SYT9: variants seen among roughly 807,000 people sequenced by gnomAD.
SYT9 encodes synaptotagmin 9, also known as synaptotagmin-9.
A neutral mutation model predicts 48.4 loss-of-function variants in SYT9; 22 were observed. The observed-to-expected ratio is 0.45, with a 90% CI of 0.32 to 0.65. The LOEUF (loss-of-function observed/expected upper bound fraction) is 0.65, where lower values mean the gene tolerates loss of function less well. Ranked by LOEUF, SYT9 falls within the 30% of genes least tolerant of loss-of-function variation. SYT9 has a pLI of 0.03. For missense variants in SYT9, 577 were observed against 622.0 expected (o/e 0.93, Z 0.77); for synonymous variants, 265 against 245.0 (o/e 1.08, Z -0.76).
chr11:7,283,728 C>T (rs1848546531), intron 1 of SYT9, among the ~76,000 whole-genome samples: 1 of 151,998 alleles, frequency 6.6e-6, no homozygotes, highest in Non-Finnish European at 1.5e-5. Flanking sequence ...ATTATTTCAC[C>T]TTTCTGTGCC....
chr11:7,343,319 A>G (rs1849745663), intron 3 of SYT9, among the ~76,000 whole-genome samples: 1 of 152,182 alleles, frequency 6.6e-6, no homozygotes, highest in Non-Finnish European at 1.5e-5. Flanking sequence ...TTTAAAACTG[A>G]ATACTTTTAG....
chr11:7,357,325 C>G (rs1850039858), intron 3 of SYT9, among the ~76,000 whole-genome samples: 1 of 152,114 alleles, frequency 6.6e-6, no homozygotes, highest in African/African-American at 2.4e-5. Context: ...ATGTTAATAT[C>G]ATCTTACCTT....
intron 3 of SYT9, among the ~76,000 whole-genome samples, chr11:7,362,053 A>G (rs1296638435): frequency 6.6e-6 from 1 of 152,130 alleles, no homozygotes; most frequent in Non-Finnish European, 1.5e-5. Context: ...CATCAGGAAA[A>G]TAATAGCTTT....
chr11:7,313,915 T>A lies in SYT9; in HGVS notation c.1018T>A (p.Trp340Arg). 2.5e-6 allele frequency: 4 copies of A among 1,613,260 alleles called. No individual in the cohort carries two copies. Among genetic ancestry groups the A allele is most frequent in the Non-Finnish European group, 3.4e-6 (4 of 1,179,784 alleles). The change falls in exon 3 of 7, where the codon TGG becomes AGG. Residue 340 changes from tryptophan (W) to arginine (R), a missense_variant. Physicochemically the swap from Trp to Arg is moderately radical, Grantham distance 101 (BLOSUM62 -3). Coordinates refer to ENST00000318881, the MANE Select transcript of SYT9 (RefSeq NM_175733.4). ...TGATTTCCCCAGGGAGTGCATCCTT[T>A]GGAAGGATATCGAATATGTCACCAA... ...LADFPRECIL[W>R]KDIEYVTNDN...
intron 1 of SYT9, among the ~76,000 whole-genome samples, chr11:7,257,743 A>G (rs1368830719): frequency 1.3e-5 from 2 of 152,174 alleles, no homozygotes; most frequent in East Asian, 3.9e-4. Context: ...GGCATATTGG[A>G]TGCACAATAT....
At chr11:7,306,548 A>G (rs1327815752) in intron 2 of SYT9, among the ~76,000 whole-genome samples, 1 of 152,192 alleles carries the variant, frequency 6.6e-6, no homozygotes, top group Non-Finnish European at 1.5e-5. Flanking sequence ...CTGCAGCTGC[A>G]CTAGCCTCTC....
chr11:7,275,230 C>T (rs1331636334), intron 1 of SYT9, among the ~76,000 whole-genome samples: 1 of 152,036 alleles, frequency 6.6e-6, no homozygotes, highest in African/African-American at 2.4e-5. Context: ...ACTACCTCTC[C>T]CCTCTCCAAA....
At chr11:7,300,141 C>T (rs1848891932) in intron 1 of SYT9, among the ~76,000 whole-genome samples, 1 of 150,546 alleles carries the variant, frequency 6.6e-6, no homozygotes, top group Admixed American at 6.6e-5. Context: ...TCTGTGCCAA[C>T]ATCCCTTCAA....
In SYT9 at chr11:7,416,053, T is replaced by C; in HGVS notation, c.1056T>C (p.Asp352=). The C allele has an allele frequency of 4.3e-6, 7 of 1,614,140 alleles. No individual in the cohort carries two copies. Among genetic ancestry groups the C allele is most frequent in the Non-Finnish European group, 5.9e-6 (7 of 1,180,002 alleles). ...TGCTTTCTCAACAGGACAACGTGGATCTGGGAGAGCTGATGTTTTCCCTGT... is the reference window on the plus strand; with the variant it reads ...TGCTTTCTCAACAGGACAACGTGGACCTGGGAGAGCTGATGTTTTCCCTGT... ...DIEYVTNDNV[D]LGELMFSLCY... The change falls in exon 4 of 7, where the codon GAT becomes GAC. Residue 352 remains aspartate, a synonymous_variant. Transcript: ENST00000318881.
chr11:7,391,582 T>A (rs1407613361), intron 3 of SYT9, among the ~76,000 whole-genome samples: 1 of 151,712 alleles, frequency 6.6e-6, no homozygotes, highest in African/African-American at 2.4e-5. Flanking sequence ...GTTTATTGAA[T>A]GCTTATATGT....
chr11:7,331,958 A>G (rs1417945483), intron 3 of SYT9, among the ~76,000 whole-genome samples: 1 of 152,184 alleles, frequency 6.6e-6, no homozygotes, highest in Non-Finnish European at 1.5e-5. Context: ...AGAGGTGGAT[A>G]GTAAAATTAT....
At chr11:7,376,136 T>C (rs1311387749) in intron 3 of SYT9, among the ~76,000 whole-genome samples, 1 of 152,128 alleles carries the variant, frequency 6.6e-6, no homozygotes, top group African/African-American at 2.4e-5. Flanking sequence ...TCACACATTC[T>C]TATTCACCTC....
At chr11:7,250,036 T>G (rs1847840245), upstream of SYT9, among the ~76,000 whole-genome samples, 1 of 152,192 alleles carries the variant, frequency 6.6e-6, no homozygotes, top group African/African-American at 2.4e-5. Flanking sequence ...TCAACTCTTC[T>G]TTCTTGAAGG....
At position 7,413,761 on chromosome 11, in the gene SYT9, CT is replaced by C. The variant is rs61037405; in HGVS notation, c.1045-2269del. 6.4e-3 allele frequency among the ~76,000 whole-genome samples: 938 copies of C among 145,504 alleles called. 5 individuals are homozygous for C. Among genetic ancestry groups the C allele is most frequent in the South Asian group, 0.042 (193 of 4,586 alleles). ...ATAGCTGCCTGTTGTTTGTTTGTTC[CT>C]TTTTTTTTTTTCTTTTTAAGAGACA... is the stretch of plus-strand genomic sequence containing the variant. On this transcript the variant is annotated intron_variant, in intron 3 of 6. Coordinates refer to ENST00000318881, the MANE Select transcript of SYT9 (RefSeq NM_175733.4).
intron 3 of SYT9, among the ~76,000 whole-genome samples, chr11:7,354,721 C>T (rs1421943691): frequency 1.3e-5 from 2 of 152,146 alleles, no homozygotes; most frequent in East Asian, 1.9e-4. Flanking sequence ...TTCTTATGTA[C>T]TGGGCCCAAC....
intron 3 of SYT9, among the ~76,000 whole-genome samples, chr11:7,349,029 T>C (rs1276401883): frequency 3.3e-5 from 5 of 151,972 alleles, no homozygotes; most frequent in Non-Finnish European, 7.4e-5. Flanking sequence ...CACATCCAGA[T>C]GTGCTTTTGA....
At position 7,313,677 on chromosome 11, in the gene SYT9, C is replaced by A. The variant is rs1184814832; in HGVS notation, c.780C>A (p.Val260=). ...KDFSGTSDPY[V]KIYLLPDRKT... is the part of the protein sequence containing the mutation. The stretch of plus-strand genomic sequence containing the variant: ...TTTCTGGGACTTCAGATCCTTATGT[C>A]AAGATCTATTTGCTTCCTGATCGGA... Residue 260 remains valine (V), a synonymous_variant, in exon 3 of 7, where the codon GTC becomes GTA. Transcript: ENST00000318881. The A allele has an allele frequency of 1.9e-6, 3 of 1,614,098 alleles. No homozygotes were observed. Among genetic ancestry groups the A allele is most frequent in the Non-Finnish European group, 2.5e-6 (3 of 1,180,020 alleles).
chr11:7,323,586 A>G (rs1012975020), intron 3 of SYT9, among the ~76,000 whole-genome samples: 1 of 152,024 alleles, frequency 6.6e-6, no homozygotes, highest in African/African-American at 2.4e-5. Flanking sequence ...GACATTGGCT[A>G]TAGACTTTTT....
intron 3 of SYT9, among the ~76,000 whole-genome samples, chr11:7,341,624 A>G (rs1849715119): frequency 6.6e-6 from 1 of 152,130 alleles, no homozygotes; most frequent in Non-Finnish European, 1.5e-5. Flanking sequence ...CCAGTCTTAG[A>G]TATTTCTTCA....
Sources: allele counts gnomAD v4.1 joint callset (sites outside exome capture counted in the v4.1 genomes callset), GRCh38; gene constraint gnomAD v4.1.1; transcripts MANE v1.5; gene names NCBI Gene and HGNC (gene_info 2026-07-23, HGNC 2026-07-21).